Variants in COL4A4 observed in about 807,000 individuals in gnomAD.
COL4A4 encodes collagen alpha-4(IV) chain.
In COL4A4, 105 loss-of-function variants were observed where a neutral mutation model predicts 192.9. That is an observed-to-expected ratio of 0.54 (90% CI 0.46 to 0.64). The LOEUF (loss-of-function observed/expected upper bound fraction) is 0.64, where lower values mean the gene tolerates loss of function less well. Among genes scored for constraint, COL4A4 ranks in the 30% least tolerant of loss-of-function variants. COL4A4 has a pLI of 0.00. For missense variants in COL4A4, 1,967 were observed against 2,169.3 expected (o/e 0.91, Z 1.85); for synonymous variants, 762 against 769.9 (o/e 0.99, Z 0.17).
chr2:227,080,366 T>C lies in COL4A4; in HGVS notation c.1803+77A>G, dbSNP rs535030382. ...TTTTACTGAATTTCAGCTTGGCAAA[T>C]AGAGAAAGGGGAAATAGTTGTTTGT... On this transcript the variant is annotated intron_variant, in intron 24 of 47. Transcript: ENST00000396625. 4.5e-5 allele frequency: 60 copies of C among 1,326,870 alleles called. No homozygotes were observed. In the Admixed American group the frequency reaches 8.9e-4, roughly 20 times the overall value. 82.2% of individuals were successfully genotyped at this position (1,326,870 alleles called of 1,614,324 possible).
the COL4A4 span, among the ~76,000 whole-genome samples, chr2:226,973,293 A>G: frequency 6.6e-6 from 1 of 152,236 alleles, no homozygotes; most frequent in African/African-American, 2.4e-5. Flanking sequence ...CCTGGCATCA[A>G]GTTAAGGAAA....
At chr2:227,146,467 C>T (rs1285833051) in intron 2 of COL4A4, among the ~76,000 whole-genome samples, 1 of 152,098 alleles carries the variant, frequency 6.6e-6, no homozygotes, top group Non-Finnish European at 1.5e-5. Context: ...TAACATTTCC[C>T]TGTGTTAACT....
the COL4A4 span, chr2:226,995,748 A>G: frequency 1.8e-6 from 1 of 556,554 alleles, no homozygotes; most frequent in East Asian, 3.0e-5. Context: ...TAAACAGGTC[A>G]CTTCCTCCAT....
chr2:227,138,648 A>G (rs947301714), intron 4 of COL4A4, among the ~76,000 whole-genome samples: 1 of 152,174 alleles, frequency 6.6e-6, no homozygotes, highest in Non-Finnish European at 1.5e-5. Context: ...AAAAAAAAAA[A>G]AAAGAAAAAG....
intron 46 of COL4A4, 73 bp from the exon 47 acceptor site, chr2:227,008,377 A>T: frequency 6.5e-7 from 1 of 1,531,364 alleles, no homozygotes; most frequent in Non-Finnish European, 9.0e-7. Flanking sequence ...TCCTTCCTCC[A>T]TCTGGCCTTT....
chr2:227,098,538 T>C (rs910735419), intron 19 of COL4A4, among the ~76,000 whole-genome samples, 156 bp downstream of exon 19: 4 of 152,000 alleles, frequency 2.6e-5, no homozygotes, highest in African/African-American at 9.7e-5. Flanking sequence ...CTCCCAAGAG[T>C]CTAACATTCT....
chr2:227,096,796 A>G (rs1273153130), intron 19 of COL4A4, among the ~76,000 whole-genome samples: 1 of 152,210 alleles, frequency 6.6e-6, no homozygotes, highest in African/African-American at 2.4e-5. Context: ...TCACTGTACC[A>G]CATTATACTA....
At position 227,121,053 on chromosome 2, in the gene COL4A4, G is replaced by A. The variant is rs748501150; in HGVS notation, c.288C>T (p.Asp96=). 2.5e-6 allele frequency: 4 copies of A among 1,614,106 alleles called. No individual in the cohort carries two copies. Among genetic ancestry groups the A allele is most frequent in the Admixed American group, 3.3e-5 (2 of 60,010 alleles). ...CCCCTGCTGCTCCAGGAGGGCCGCG[G>A]TCCCCTCTCATTCCTTTCTCTCCTG... ...GLSGEKGMRG[D]RGPPGAAGDK... is the part of the protein sequence containing the mutation. The change falls in exon 5 of 48, where the codon GAC becomes GAT. Residue 96 remains aspartate (D), a synonymous_variant. Transcript: ENST00000396625.
chr2:226,977,196 C>T, the COL4A4 span, among the ~76,000 whole-genome samples: 1 of 152,228 alleles, frequency 6.6e-6, no homozygotes, highest in Non-Finnish European at 1.5e-5. Context: ...TGTCTCGCGT[C>T]TCTGGTTTCC....
chr2:227,054,614 C>G lies in COL4A4; in HGVS notation c.2840G>C (p.Arg947Pro). The G allele has an allele frequency of 6.2e-7, 1 of 1,614,100 alleles. No homozygotes were observed. Among genetic ancestry groups the G allele is most frequent in the Non-Finnish European group, 8.5e-7 (1 of 1,179,984 alleles). The change falls in exon 31 of 48, where the codon CGG becomes CCG. Residue 947 changes from arginine to proline, a missense_variant. Coordinates refer to ENST00000396625, the MANE Select transcript of COL4A4 (RefSeq NM_000092.5). ...TTTACCTTTGGCCCCTCTCAGTCCC[C>G]GGTCTCCAGGAAGGCCAGACATGCC... ...EKGMSGLPGDRGLRGAKGAIG... is the reference protein window; with the variant it reads ...EKGMSGLPGDPGLRGAKGAIG...
At chr2:227,122,305 G>A (rs914646627) in intron 4 of COL4A4, among the ~76,000 whole-genome samples, 3 of 152,162 alleles carry the variant, frequency 2.0e-5, no homozygotes, top group African/African-American at 4.8e-5. Flanking sequence ...TCAAGAGTTC[G>A]ACTTGCAATA....
intron 36 of COL4A4, among the ~76,000 whole-genome samples, chr2:227,042,865 C>T (rs1055866563): frequency 6.6e-6 from 1 of 152,200 alleles, no homozygotes; most frequent in Non-Finnish European, 1.5e-5. Flanking sequence ...AGGCACTTTA[C>T]AGGTGCTGTC....
At chr2:227,142,232 AGAG>A (rs1186515808) in intron 3 of COL4A4, among the ~76,000 whole-genome samples, 10 of 152,270 alleles carry the variant, frequency 6.6e-5, no homozygotes, top group African/African-American at 2.2e-4. Flanking sequence ...AATATTTAAA[AGAG>A]GAGGGTGAAA....
At chr2:227,079,934 G>A (rs894484027) in intron 24 of COL4A4, among the ~76,000 whole-genome samples, 9 of 152,164 alleles carry the variant, frequency 5.9e-5, no homozygotes, top group African/African-American at 1.4e-4. Context: ...TCCACCCAAC[G>A]CATGTCTGAA....
At chr2:227,118,583 C>T (rs2061610576) in intron 7 of COL4A4, 62 bp downstream of exon 7, 2 of 1,239,296 alleles carry the variant, frequency 1.6e-6, no homozygotes, top group Admixed American at 1.7e-5. Context: ...TACATCAAGC[C>T]TGTTCCACCA....
intron 22 of COL4A4, 78 bp from the exon 23 acceptor site, chr2:227,082,265 T>C: frequency 8.4e-7 from 1 of 1,193,816 alleles, no homozygotes; most frequent in Non-Finnish European, 1.3e-6. Flanking sequence ...TGAATCTCTC[T>C]CTTCTTCCCT....
chr2:227,082,206 A>G lies in COL4A4; in HGVS notation c.1624-19T>C. The G allele has an allele frequency of 6.2e-7, 1 of 1,605,554 alleles. No individual in the cohort carries two copies. The highest frequency in any genetic ancestry group is 8.5e-7 in the Non-Finnish European group (1 of 1,172,160). ...GCTTTCCCTTGGTGAAAAATAAGAG[A>G]AACAAATTAGGTTAATTGTGATGGA... On this transcript the variant is annotated intron_variant, in intron 22 of 47. Transcript: ENST00000396625.
chr2:227,146,223 T>G (rs1391938918), intron 2 of COL4A4, among the ~76,000 whole-genome samples: 3 of 152,070 alleles, frequency 2.0e-5, no homozygotes. Context: ...TCATAGTCCC[T>G]TTATACTGCA....
intron 3 of COL4A4, among the ~76,000 whole-genome samples, chr2:227,140,894 C>CACAA (rs985135322): frequency 2.0e-5 from 3 of 150,862 alleles, no homozygotes; most frequent in African/African-American, 7.4e-5. Context: ...CACACACACA[C>CACAA]ACACACACAC....
Sources: allele counts gnomAD v4.1 joint callset (sites outside exome capture counted in the v4.1 genomes callset), GRCh38; gene constraint gnomAD v4.1.1; transcripts MANE v1.5; gene names NCBI Gene and HGNC (gene_info 2026-07-23, HGNC 2026-07-21).